The following MAGI2 variants were observed in gnomAD, a reference collection of about 807,000 sequenced individuals.
MAGI2 encodes membrane associated guanylate kinase, WW and PDZ domain containing 2, also known as membrane-associated guanylate kinase, WW and PDZ domain-containing protein 2.
Under a neutral mutation model 133.3 loss-of-function variants are expected in MAGI2, and 35 were observed. That is an observed-to-expected ratio of 0.26 (90% CI 0.20 to 0.35). MAGI2 has a LOEUF of 0.35. MAGI2 is among the 10% of genes least tolerant of loss of function. The probability of loss-of-function intolerance (pLI) is 1.00; values close to 1 mark genes in which losing one functional copy is unlikely to be tolerated. For synonymous variants in MAGI2, 729 were observed against 710.6 expected (o/e 1.03, Z -0.41); for missense variants, 1,636 against 1,863.4 (o/e 0.88, Z 2.25).
chr7:78,198,332 C>T (rs3779275), intron 11 of MAGI2, among the ~76,000 whole-genome samples: 30,217 of 151,646 alleles, frequency 0.2, 3,280 homozygotes, highest in Admixed American at 0.28. Flanking sequence ...ACTTTATGAA[C>T]GGACAGCCAC....
chr7:78,145,938 T>G (rs926367198), intron 16 of MAGI2, among the ~76,000 whole-genome samples: 2 of 152,098 alleles, frequency 1.3e-5, no homozygotes, highest in Non-Finnish European at 2.9e-5. Context: ...ACCATCACAT[T>G]GGGAATTAGG....
chr7:78,706,432 T>C (rs1818656594), intron 2 of MAGI2, among the ~76,000 whole-genome samples: 1 of 152,112 alleles, frequency 6.6e-6, no homozygotes, highest in Non-Finnish European at 1.5e-5. Flanking sequence ...CTCTTTTTGT[T>C]CCCAGTTTCG....
At chr7:78,720,959 G>A (rs1464200148) in intron 2 of MAGI2, among the ~76,000 whole-genome samples, 4 of 152,018 alleles carry the variant, frequency 2.6e-5, no homozygotes, top group Non-Finnish European at 4.4e-5. Flanking sequence ...AAGGAGAATC[G>A]CAACATAATT....
At chr7:78,481,621 C>A (rs7780794) in intron 6 of MAGI2, among the ~76,000 whole-genome samples, 56,789 of 151,498 alleles carry the variant, frequency 0.37, 11,137 homozygotes, top group East Asian at 0.61. Context: ...CAGAATCCAA[C>A]AGTTTATGAC....
intron 1 of MAGI2, among the ~76,000 whole-genome samples, chr7:79,404,497 A>G (rs1317032319): frequency 2.6e-5 from 4 of 152,080 alleles, no homozygotes; most frequent in Non-Finnish European, 2.9e-5. Flanking sequence ...CACCGTGTTC[A>G]GCCTTTAACA....
At chr7:79,401,981 A>C (rs1370841923) in intron 1 of MAGI2, among the ~76,000 whole-genome samples, 1 of 152,164 alleles carries the variant, frequency 6.6e-6, no homozygotes, top group Non-Finnish European at 1.5e-5. Context: ...ATTTTTAAGG[A>C]AGATTTAAAT....
At chr7:78,810,428 A>G (rs1178603422) in intron 2 of MAGI2, among the ~76,000 whole-genome samples, 1 of 152,110 alleles carries the variant, frequency 6.6e-6, no homozygotes, top group Non-Finnish European at 1.5e-5. Flanking sequence ...TCTTATAAAG[A>G]CTTGCTCAGT....
At chr7:78,930,677 T>C (rs1280163087) in intron 2 of MAGI2, among the ~76,000 whole-genome samples, 1 of 152,150 alleles carries the variant, frequency 6.6e-6, no homozygotes, top group East Asian at 1.9e-4. Flanking sequence ...TAATTTGGTA[T>C]ACTATCCATT....
chr7:78,883,535 A>G (rs1563620889), intron 2 of MAGI2, among the ~76,000 whole-genome samples: 1 of 152,166 alleles, frequency 6.6e-6, no homozygotes, highest in Non-Finnish European at 1.5e-5. Flanking sequence ...AAATTCATAT[A>G]GAACCAAAAA....
chr7:79,258,429 C>T (rs1833851878), intron 1 of MAGI2, among the ~76,000 whole-genome samples: 1 of 152,200 alleles, frequency 6.6e-6, no homozygotes, highest in Admixed American at 6.5e-5. Flanking sequence ...AATAAACCTT[C>T]TTCCTTCAAC....
chr7:78,051,829 C>A (rs1230917635), intron 21 of MAGI2, among the ~76,000 whole-genome samples: 1 of 151,384 alleles, frequency 6.6e-6, no homozygotes, highest in African/African-American at 2.4e-5. Context: ...AAGTCATCCA[C>A]CTGCCTTGAC....
chr7:78,917,731 C>T (rs948382193), intron 2 of MAGI2, among the ~76,000 whole-genome samples: 4 of 152,034 alleles, frequency 2.6e-5, no homozygotes, highest in South Asian at 2.1e-4. Context: ...TGACAGACAC[C>T]GGCCATAAAT....
At chr7:78,681,774 A>G (rs1815690257) in intron 2 of MAGI2, among the ~76,000 whole-genome samples, 1 of 152,188 alleles carries the variant, frequency 6.6e-6, no homozygotes. Context: ...AGTCAGCGTC[A>G]CAACCCTAGA....
intron 4 of MAGI2, chr7:78,518,454 C>G (rs959676420): frequency 6.6e-6 from 1 of 152,084 alleles, no homozygotes; most frequent in African/African-American, 2.4e-5. Context: ...GTTGATGGGA[C>G]AGTTAAGATA....
intron 3 of MAGI2, among the ~76,000 whole-genome samples, chr7:78,554,378 T>C (rs1429070251): frequency 6.6e-6 from 1 of 152,202 alleles, no homozygotes; most frequent in African/African-American, 2.4e-5. Context: ...GAACCTTACA[T>C]AAATCTGAAA....
At chr7:78,324,354 G>A (rs566208669) in intron 9 of MAGI2, among the ~76,000 whole-genome samples, 4 of 152,218 alleles carry the variant, frequency 2.6e-5, no homozygotes, top group Non-Finnish European at 4.4e-5. Flanking sequence ...ACTGAGACTC[G>A]TATTAAACCT....
In MAGI2 at chr7:78,631,047, G is replaced by GGCT. The variant is rs556477528; in HGVS notation, c.419-3809_419-3808insAGC. ...CTCATGGTGGCTGAGCACATCTGTT[G>GGCT]GAAGCTTCCTGTCGAAGGTTGCATG... On this transcript the variant is annotated intron_variant, in intron 2 of 21. Coordinates refer to ENST00000354212, the MANE Select transcript of MAGI2 (RefSeq NM_012301.4). 1.1e-3 allele frequency among the ~76,000 whole-genome samples: 164 copies of GGCT among 152,100 alleles called. 1 individual carries two copies. In the South Asian group the frequency reaches 0.013, roughly 12 times the overall value.
chr7:78,408,639 C>T (rs1214647822), intron 6 of MAGI2, among the ~76,000 whole-genome samples: 3 of 152,158 alleles, frequency 2.0e-5, no homozygotes, highest in Non-Finnish European at 4.4e-5. Flanking sequence ...AGTCTAGCCA[C>T]ATGTGGCTAC....
chr7:78,230,643 T>G (rs1409992674), intron 10 of MAGI2, among the ~76,000 whole-genome samples: 1 of 152,198 alleles, frequency 6.6e-6, no homozygotes, highest in Non-Finnish European at 1.5e-5. Context: ...CCTCCTTATT[T>G]ATTGAGACTT....
Sources: allele counts gnomAD v4.1 joint callset (sites outside exome capture counted in the v4.1 genomes callset), GRCh38; gene constraint gnomAD v4.1.1; transcripts MANE v1.5; gene names NCBI Gene and HGNC (gene_info 2026-07-23, HGNC 2026-07-21).